The following RIMS2 variants were observed in gnomAD, a reference collection of about 807,000 sequenced individuals.
The protein encoded by RIMS2 is regulating synaptic membrane exocytosis 2.
In RIMS2, 59 loss-of-function variants were observed where a neutral mutation model predicts 174.4. The observed-to-expected ratio is 0.34, with a 90% CI of 0.27 to 0.42. The LOEUF (loss-of-function observed/expected upper bound fraction) is 0.42. Ranked by LOEUF, RIMS2 falls within the 10% of genes least tolerant of loss-of-function variation. The probability of loss-of-function intolerance (pLI) is 1.00; values close to 1 mark genes in which losing one functional copy is unlikely to be tolerated. For synonymous variants in RIMS2, 606 were observed against 572.5 expected (o/e 1.06, Z -0.84); for missense variants, 1,620 against 1,666.3 (o/e 0.97, Z 0.48).
intron 11 of RIMS2, among the ~76,000 whole-genome samples, chr8:103,928,557 A>C (rs984032486): frequency 6.6e-6 from 1 of 151,334 alleles, no homozygotes; most frequent in Non-Finnish European, 1.5e-5. Context: ...AGTAATGGCA[A>C]TATAGTTTTT....
chr8:103,770,828 A>G (rs370885040), intron 3 of RIMS2, among the ~76,000 whole-genome samples: 17 of 151,514 alleles, frequency 1.1e-4, no homozygotes, highest in African/African-American at 3.9e-4. Context: ...TTATTGCAGT[A>G]TTTGAATTGG....
intron 12 of RIMS2, among the ~76,000 whole-genome samples, chr8:103,935,490 A>G (rs191633625): frequency 1.3e-5 from 2 of 152,180 alleles, no homozygotes; most frequent in East Asian, 1.9e-4. Flanking sequence ...TTACTTCCCA[A>G]TTTCAGAAAC....
Position 103,974,591 on chromosome 8 carries a change from G to A in RIMS2, c.2771-759G>A, listed in dbSNP as rs7825738. Among the ~76,000 whole-genome samples the A allele has an allele frequency of 2.6e-3, 394 of 152,164 alleles. 3 individuals carry two copies. Among genetic ancestry groups the A allele is most frequent in the African/African-American group, 8.9e-3 (368 of 41,498 alleles). On this transcript the variant is annotated intron_variant, in intron 15 of 23. Transcript: ENST00000504942. ...TTTCCTTCCATCTCTCCACATACCA[G>A]TTGCTTTCTGCTACTCTTTTAGATA...
Position 103,577,341 on chromosome 8 carries a change from T to C in RIMS2, c.176+76279T>C, listed in dbSNP as rs533799119. 5.9e-5 allele frequency among the ~76,000 whole-genome samples: 9 copies of C among 152,268 alleles called. No homozygotes were observed. In the South Asian group the frequency reaches 1.9e-3, roughly 32 times the overall value. On this transcript the variant is annotated intron_variant, in intron 1 of 23. Coordinates refer to ENST00000504942, the Ensembl canonical transcript of RIMS2. ...TGAAAAAAATGCTCATCATCACTGGTCATCAGAGAAATGCAAATCAAAACC... is the reference window on the plus strand; with the variant it reads ...TGAAAAAAATGCTCATCATCACTGGCCATCAGAGAAATGCAAATCAAAACC...
chr8:103,795,225 A>C (rs1237422661), intron 3 of RIMS2, among the ~76,000 whole-genome samples: 1 of 152,212 alleles, frequency 6.6e-6, no homozygotes, highest in Non-Finnish European at 1.5e-5. Context: ...AAAATGTGGC[A>C]CATATACACC....
chr8:104,019,204 GT>G (rs1229447858), intron 19 of RIMS2, among the ~76,000 whole-genome samples: 1 of 151,890 alleles, frequency 6.6e-6, no homozygotes, highest in Non-Finnish European at 1.5e-5. Context: ...TCTCAAAAAA[GT>G]TAAAACATTA....
intron 1 of RIMS2, among the ~76,000 whole-genome samples, chr8:103,580,511 A>T (rs1220540841): frequency 1.3e-5 from 2 of 152,034 alleles, no homozygotes; most frequent in Admixed American, 1.3e-4. Flanking sequence ...TGACATAACA[A>T]TTATGAATTT....
intron 1 of RIMS2, among the ~76,000 whole-genome samples, chr8:103,532,289 C>T (rs1277215046): frequency 1.3e-5 from 2 of 152,188 alleles, no homozygotes; most frequent in Non-Finnish European, 2.9e-5. Flanking sequence ...TCTGAATGTT[C>T]TGATTTCTCT....
chr8:104,243,338 G>C (rs2099312093), intron 19 of RIMS2, among the ~76,000 whole-genome samples: 2 of 152,170 alleles, frequency 1.3e-5, no homozygotes, highest in African/African-American at 4.8e-5. Flanking sequence ...AAGAGACTTG[G>C]TGAAAAGAGA....
intron 3 of RIMS2, chr8:103,819,456 T>G: frequency 1.3e-5 from 21 of 1,603,506 alleles, no homozygotes; most frequent in Non-Finnish European, 1.8e-5. Context: ...TAGATGATTT[T>G]AAAGACAGGT....
intron 2 of RIMS2, among the ~76,000 whole-genome samples, chr8:103,704,544 G>A (rs914364907): frequency 1.3e-5 from 2 of 152,018 alleles, no homozygotes; most frequent in Non-Finnish European, 2.9e-5. Flanking sequence ...AGTAGGATTG[G>A]TATTAATTCT....
intron 19 of RIMS2, among the ~76,000 whole-genome samples, chr8:104,023,758 C>A (rs750762420): frequency 3.3e-5 from 5 of 151,966 alleles, no homozygotes; most frequent in Admixed American, 3.3e-4. Flanking sequence ...GAGGTATTTA[C>A]CACCGTAAGA....
At chr8:103,643,064 C>G (rs985404509) in intron 1 of RIMS2, among the ~76,000 whole-genome samples, 2 of 151,660 alleles carry the variant, frequency 1.3e-5, no homozygotes, top group Non-Finnish European at 2.9e-5. Flanking sequence ...TATAATTGTC[C>G]CTCAGTTTTT....
In RIMS2 at chr8:103,915,597, A is replaced by G; in HGVS notation, c.1912+3A>G. The G allele has an allele frequency of 1.3e-6, 2 of 1,501,748 alleles. No individual in the cohort carries two copies. The highest frequency in any genetic ancestry group is 2.3e-5 in the East Asian group (1 of 43,966). The allele number at this position is 1,501,748 out of a possible 1,614,324, so 93.0% of individuals were successfully genotyped here. On this transcript the variant is annotated splice_donor_region_variant and intron_variant, in intron 7 of 23. Transcript: ENST00000504942. ...TACTGTAGGACATCTTAGACCAGGTAGGGTTTTACCTTTGATTATTTACAT... is the reference window on the plus strand; with the variant it reads ...TACTGTAGGACATCTTAGACCAGGTGGGGTTTTACCTTTGATTATTTACAT...
intron 1 of RIMS2, among the ~76,000 whole-genome samples, chr8:103,676,580 C>CT (rs35474500): frequency 0.42 from 62,944 of 148,194 alleles, 13,671 homozygotes; most frequent in East Asian, 0.79. Context: ...CTTTTAAAGT[C>CT]TTTTTTTTTT....
chr8:103,944,363 G>T (rs549905722), intron 14 of RIMS2, among the ~76,000 whole-genome samples: 1 of 152,082 alleles, frequency 6.6e-6, no homozygotes, highest in Non-Finnish European at 1.5e-5. Flanking sequence ...GTGTAGGATG[G>T]TGGGTTATTA....
intron 19 of RIMS2, among the ~76,000 whole-genome samples, chr8:104,233,074 A>G (rs1188482692): frequency 6.6e-6 from 1 of 152,230 alleles, no homozygotes; most frequent in Admixed American, 6.5e-5. Flanking sequence ...GAGCATAAGC[A>G]GACAAGAACG....
At chr8:103,876,954 G>A (rs551844488) in intron 3 of RIMS2, among the ~76,000 whole-genome samples, 102 of 118,876 alleles carry the variant, frequency 8.6e-4, no homozygotes, top group African/African-American at 2.6e-3. Flanking sequence ...TTATCCACTC[G>A]TTGATTGATG....
intron 2 of RIMS2, among the ~76,000 whole-genome samples, chr8:103,758,438 G>T (rs1468235070): frequency 6.6e-6 from 1 of 152,158 alleles, no homozygotes; most frequent in Non-Finnish European, 1.5e-5. Context: ...TGTCCCACTT[G>T]CCCAAGCCTA....
Sources: allele counts gnomAD v4.1 joint callset (sites outside exome capture counted in the v4.1 genomes callset), GRCh38; gene constraint gnomAD v4.1.1; transcripts MANE v1.5; gene names NCBI Gene and HGNC (gene_info 2026-07-23, HGNC 2026-07-21).